The following KIT variants were observed in gnomAD, a reference collection of about 807,000 sequenced individuals.
The protein encoded by KIT is mast/stem cell growth factor receptor Kit.
In KIT, 16 loss-of-function variants were observed where a neutral mutation model predicts 105.7. That is an observed-to-expected ratio of 0.15 (90% CI 0.10 to 0.23). KIT has a LOEUF of 0.23. KIT is among the 10% of genes least tolerant of loss of function. The pLI, the probability that KIT is intolerant of heterozygous loss-of-function variation, is 1.00. For synonymous variants in KIT, 438 were observed against 441.1 expected (o/e 0.99, Z 0.09); for missense variants, 858 against 1,213.8 (o/e 0.71, Z 4.36).
intron 5 of KIT, among the ~76,000 whole-genome samples, chr4:54,706,179 A>G (rs1220738388): frequency 1.3e-5 from 2 of 152,088 alleles, no homozygotes; most frequent in Non-Finnish European, 2.9e-5. Context: ...CATTTTAAGA[A>G]GAGTTCTCAA....
At chr4:54,674,708 A>C (rs1450943480) in intron 1 of KIT, among the ~76,000 whole-genome samples, 1 of 152,234 alleles carries the variant, frequency 6.6e-6, no homozygotes, top group Non-Finnish European at 1.5e-5. Context: ...AAAACTGATT[A>C]CTATGGAAAT....
Position 54,703,832 on chromosome 4 carries a change from A to G in KIT, c.865A>G (p.Met289Val), listed in dbSNP as rs1577963205. 6.2e-7 allele frequency: 1 copy of G among 1,613,966 alleles called. No individual in the cohort carries two copies. The highest frequency in any genetic ancestry group is 1.1e-5 in the South Asian group (1 of 91,078). Residue 289 changes from methionine to valine, a missense_variant, in exon 5 of 21, where the codon ATG becomes GTG. Met to Val is a conservative substitution (Grantham distance 21). Coordinates refer to ENST00000288135, the MANE Select transcript of KIT (RefSeq NM_000222.3). ...SARVNDSGVF[M>V]CYANNTFGSA... ...GAGAGTTAATGATTCTGGAGTGTTC[A>G]TGTGTTATGCCAATAATACTTTTGG...
chr4:54,681,814 T>A lies in KIT; in HGVS notation c.68-13698T>A, dbSNP rs1289728482. ...TAGCACTTTGAGAGGCCAAGTCGGG[T>A]GGATCACCTGAGGCCAGGAGTTCGA... On this transcript the variant is annotated intron_variant, in intron 1 of 20. Transcript: ENST00000288135. Among the ~76,000 whole-genome samples, 16 of 151,960 alleles carry A rather than the reference T, an allele frequency of 1.1e-4. No individual in the cohort carries two copies. In the South Asian group the frequency reaches 3.3e-3, roughly 32 times the overall value.
chr4:54,693,783 C>T (rs939510641), intron 1 of KIT, among the ~76,000 whole-genome samples: 1 of 152,210 alleles, frequency 6.6e-6, no homozygotes, highest in African/African-American at 2.4e-5. Flanking sequence ...CTTGTTATCA[C>T]ACTGCCCCAG....
chr4:54,711,382 C>T (rs1193240291), intron 7 of KIT, among the ~76,000 whole-genome samples: 36 of 152,168 alleles, frequency 2.4e-4, no homozygotes, highest in Non-Finnish European at 1.5e-4. Flanking sequence ...AGGTCACATT[C>T]GTGTAATTAA....
chr4:54,687,447 A>T (rs918538977), intron 1 of KIT, among the ~76,000 whole-genome samples: 1 of 151,658 alleles, frequency 6.6e-6, no homozygotes, highest in African/African-American at 2.4e-5. Context: ...TCTCCAAAAA[A>T]AAAATAAAAA....
At chr4:54,686,805 A>G (rs997234643) in intron 1 of KIT, among the ~76,000 whole-genome samples, 2 of 152,200 alleles carry the variant, frequency 1.3e-5, no homozygotes, top group African/African-American at 4.8e-5. Flanking sequence ...TCGGCCTCCC[A>G]AAGTGCTAAG....
chr4:54,665,308 C>T (rs897139094), intron 1 of KIT, among the ~76,000 whole-genome samples: 6 of 152,146 alleles, frequency 3.9e-5, no homozygotes, highest in African/African-American at 1.4e-4. Flanking sequence ...ATTTGGGTTG[C>T]AAACAATGCT....
chr4:54,738,989 G>A lies in KIT; in HGVS notation c.*432G>A. On this transcript the variant is annotated 3_prime_UTR_variant, in exon 21 of 21. Transcript: ENST00000288135. ...GAAGCTGAAAACCTAAGTCCTTTAT[G>A]TGGAAAACAGAACATCATTAGAACA... The A allele has an allele frequency of 4.0e-6, 2 of 497,568 alleles. No individual in the cohort carries two copies. Among genetic ancestry groups the A allele is most frequent in the Non-Finnish European group, 7.0e-6 (2 of 285,462 alleles). The allele number at this position is 497,568 out of a possible 1,614,324, so 30.8% of individuals were successfully genotyped here. A position where few individuals can be genotyped will look rare whatever the true frequency, so the allele number is the denominator to read the frequency against.
chr4:54,670,587 G>A (rs181143828), intron 1 of KIT, among the ~76,000 whole-genome samples: 139 of 152,290 alleles, frequency 9.1e-4, no homozygotes, highest in African/African-American at 3.1e-3. Flanking sequence ...AGAGGAGACT[G>A]GAAGGCCTCA....
intron 9 of KIT, among the ~76,000 whole-genome samples, chr4:54,726,923 T>G (rs1051642923): frequency 3.3e-5 from 5 of 152,156 alleles, no homozygotes; most frequent in Non-Finnish European, 5.9e-5. Flanking sequence ...GGAATTTGAT[T>G]GAAGTATAAA....
chr4:54,669,706 A>G (rs79396980), intron 1 of KIT, among the ~76,000 whole-genome samples: 137 of 45,782 alleles, frequency 3.0e-3, no homozygotes, highest in African/African-American at 0.013. Context: ...TCCAGAAAGG[A>G]AAAAAAAAAA....
At chr4:54,717,388 C>A (rs2109742050) in intron 7 of KIT, among the ~76,000 whole-genome samples, 1 of 152,246 alleles carries the variant, frequency 6.6e-6, no homozygotes, top group South Asian at 2.1e-4. Context: ...TTGATGTAAA[C>A]ACTGAACCTG....
At chr4:54,672,735 A>C (rs892431474) in intron 1 of KIT, among the ~76,000 whole-genome samples, 6 of 152,172 alleles carry the variant, frequency 3.9e-5, no homozygotes, top group Admixed American at 3.3e-4. Flanking sequence ...ACCATCATTT[A>C]GTCTTAGCTC....
chr4:54,729,294 A>G (rs2109785547), intron 13 of KIT, 41 bp from the exon 14 acceptor site: 1 of 1,606,818 alleles, frequency 6.2e-7, no homozygotes, highest in Non-Finnish European at 8.5e-7. Flanking sequence ...ATTAATCTAT[A>G]TATCTCACCT....
intron 17 of KIT, among the ~76,000 whole-genome samples, chr4:54,735,417 T>G (rs1436260453): frequency 6.8e-6 from 1 of 146,268 alleles, no homozygotes; most frequent in African/African-American, 2.5e-5. Flanking sequence ...CAATCCTAAA[T>G]GGATTAAGAG....
At chr4:54,737,350 T>C (rs1722982811) in intron 20 of KIT, 70 bp downstream of exon 20, 3 of 1,059,820 alleles carry the variant, frequency 2.8e-6, no homozygotes, top group Non-Finnish European at 4.4e-6. Context: ...TCCTCAGGCT[T>C]TCAGGGTGAG....
At chr4:54,674,746 G>C (rs1718345477) in intron 1 of KIT, among the ~76,000 whole-genome samples, 1 of 152,126 alleles carries the variant, frequency 6.6e-6, no homozygotes, top group Admixed American at 6.5e-5. Flanking sequence ...CCTAACATTA[G>C]CTTTCTAAGC....
At chr4:54,718,007 G>T (rs924683034) in intron 7 of KIT, among the ~76,000 whole-genome samples, 3 of 152,170 alleles carry the variant, frequency 2.0e-5, no homozygotes, top group African/African-American at 7.2e-5. Context: ...ACGTAATCTC[G>T]TGATTGGGAT....
Sources: gnomAD v4.1 joint callset for allele counts (sites outside exome capture counted in the v4.1 genomes callset) on GRCh38, gnomAD v4.1.1 for gene constraint, MANE v1.5 for transcripts, NCBI Gene and HGNC (gene_info 2026-07-23, HGNC 2026-07-21) for gene names.